The following REDIC1 variants were observed in gnomAD, a reference collection of about 807,000 sequenced individuals.
REDIC1 encodes regulator of DNA class I crossover intermediates 1.
At chr12:39,863,246 G>A in the REDIC1 span, among the ~76,000 whole-genome samples, 1 of 152,032 alleles carries the variant, frequency 6.6e-6, no homozygotes, top group African/African-American at 2.4e-5. Flanking sequence ...ACAGACTGAT[G>A]ATCATAAACT....
chr12:39,641,875 A>G, the REDIC1 span, among the ~76,000 whole-genome samples: 177 of 151,858 alleles, frequency 1.2e-3, no homozygotes, highest in African/African-American at 4.0e-3. Context: ...ATTGCATCCC[A>G]TTCATTTCTC....
the REDIC1 span, chr12:39,683,232 A>G: frequency 7.7e-7 from 1 of 1,294,308 alleles, no homozygotes; most frequent in African/African-American, 1.5e-5. Flanking sequence ...ACACATCTAT[A>G]TATTTGTATG....
At chr12:39,826,736 A>G in the REDIC1 span, among the ~76,000 whole-genome samples, 2 of 151,450 alleles carry the variant, frequency 1.3e-5, no homozygotes, top group South Asian at 2.1e-4. Flanking sequence ...TTGCTGAATT[A>G]TAACACATAT....
chr12:39,674,794 C>G, the REDIC1 span, among the ~76,000 whole-genome samples: 1 of 152,134 alleles, frequency 6.6e-6, no homozygotes, highest in Non-Finnish European at 1.5e-5. Flanking sequence ...CACAGGGGTC[C>G]TTGGGGAAGG....
the REDIC1 span, among the ~76,000 whole-genome samples, chr12:39,837,630 C>A: frequency 0.012 from 1,827 of 148,002 alleles, 12 homozygotes; most frequent in Non-Finnish European, 0.015. Context: ...CAATGAACTC[C>A]AACAAATTTA....
the REDIC1 span, among the ~76,000 whole-genome samples, chr12:39,684,641 G>C: frequency 6.0e-3 from 910 of 152,208 alleles, 8 homozygotes; most frequent in African/African-American, 0.021. Flanking sequence ...TCCCAATCCT[G>C]ACTGCAGGTC....
chr12:39,786,125 C>T, the REDIC1 span, among the ~76,000 whole-genome samples: 83 of 152,106 alleles, frequency 5.5e-4, no homozygotes, highest in African/African-American at 1.3e-3. Flanking sequence ...GGGCCAGGGG[C>T]GGAATGATGT....
the REDIC1 span, among the ~76,000 whole-genome samples, chr12:39,875,136 T>A: frequency 2.6e-5 from 4 of 152,224 alleles, no homozygotes; most frequent in Non-Finnish European, 5.9e-5. Flanking sequence ...ACATTTATTA[T>A]CTCACAGCTC....
the REDIC1 span, among the ~76,000 whole-genome samples, chr12:39,799,254 CTTTTTTTTTT>C: frequency 8.8e-6 from 1 of 113,278 alleles, no homozygotes; most frequent in African/African-American, 3.5e-5. Context: ...TATGCTTAGC[CTTTTTTTTTT>C]TTTTTTTTTT....
At chr12:39,782,933 T>C in the REDIC1 span, among the ~76,000 whole-genome samples, 12 of 152,226 alleles carry the variant, frequency 7.9e-5, no homozygotes, top group East Asian at 1.4e-3. Context: ...AGGTTTGTTA[T>C]GTATGTATAC....
chr12:39,864,885 T>A, the REDIC1 span: 1 of 1,253,724 alleles, frequency 8.0e-7, no homozygotes, highest in Admixed American at 2.2e-5. Flanking sequence ...GGTGGTACCT[T>A]AAAAAAAAAA....
At chr12:39,668,655 A>G in the REDIC1 span, among the ~76,000 whole-genome samples, 1 of 152,186 alleles carries the variant, frequency 6.6e-6, no homozygotes, top group Non-Finnish European at 1.5e-5. Context: ...AGTGTTTTCC[A>G]ACTCGGTTCC....
chr12:39,782,234 A>G, the REDIC1 span, among the ~76,000 whole-genome samples: 1 of 152,184 alleles, frequency 6.6e-6, no homozygotes, highest in Non-Finnish European at 1.5e-5. Flanking sequence ...AAGTTTCCCC[A>G]GTAACATGGT....
chr12:39,802,844 T>G, the REDIC1 span, among the ~76,000 whole-genome samples: 1 of 152,098 alleles, frequency 6.6e-6, no homozygotes, highest in East Asian at 1.9e-4. Context: ...TTATATCAGA[T>G]TGAGATTTCA....
chr12:39,905,475 A>T, the REDIC1 span, among the ~76,000 whole-genome samples: 2 of 152,140 alleles, frequency 1.3e-5, no homozygotes, highest in Non-Finnish European at 2.9e-5. Context: ...TTAAGTTTCT[A>T]GAAGAGTTGC....
At chr12:39,696,533 ACT>A in the REDIC1 span, among the ~76,000 whole-genome samples, 5 of 102,772 alleles carry the variant, frequency 4.9e-5, no homozygotes, top group South Asian at 1.2e-3. Context: ...ACAGAGCGAG[ACT>A]CTGTCTCAAA....
the REDIC1 span, among the ~76,000 whole-genome samples, chr12:39,679,062 C>T: frequency 6.6e-6 from 1 of 152,066 alleles, no homozygotes; most frequent in Non-Finnish European, 1.5e-5. Context: ...CCACTTTCAC[C>T]ACTTCTATTC....
At chr12:39,631,185 C>G in the REDIC1 span, among the ~76,000 whole-genome samples, 1 of 152,054 alleles carries the variant, frequency 6.6e-6, no homozygotes, top group African/African-American at 2.4e-5. Flanking sequence ...CCACTGTGCC[C>G]GGCCTATTGA....
chr12:39,889,720 C>G, the REDIC1 span, among the ~76,000 whole-genome samples: 1 of 151,662 alleles, frequency 6.6e-6, no homozygotes, highest in African/African-American at 2.4e-5. Flanking sequence ...TTTAGAGAGA[C>G]GGGGTTTCAC....
Sources: gnomAD v4.1 joint callset for allele counts (sites outside exome capture counted in the v4.1 genomes callset) on GRCh38, gnomAD v4.1.1 for gene constraint, MANE v1.5 for transcripts, NCBI Gene and HGNC (gene_info 2026-07-23, HGNC 2026-07-21) for gene names.